PADI2: variants seen among roughly 807,000 people sequenced by gnomAD.
The protein encoded by PADI2 is protein-arginine deiminase type-2.
In PADI2, 70 loss-of-function variants were observed where a neutral mutation model predicts 81.1. The ratio of observed to expected loss-of-function variants is 0.86; its 90% CI spans 0.71 to 1.05. The LOEUF is 1.05. Ranked by LOEUF, PADI2 falls within the 50% of genes least tolerant of loss-of-function variation. PADI2 has a pLI of 0.00. For missense variants in PADI2, 853 were observed against 889.9 expected, an observed-to-expected ratio of 0.96 and a Z score of 0.53; for synonymous variants, 338 against 358.0, an observed-to-expected ratio of 0.94 and a Z score of 0.63.
chr1:17,108,740 C>T (rs556025481), intron 1 of PADI2, among the ~76,000 whole-genome samples: 1 of 152,160 alleles, frequency 6.6e-6, no homozygotes, highest in East Asian at 1.9e-4. Flanking sequence ...TTTATGGTGA[C>T]TGATAAAGTC....
chr1:17,101,624 C>T (rs982309214), intron 3 of PADI2, among the ~76,000 whole-genome samples: 3 of 152,150 alleles, frequency 2.0e-5, no homozygotes, highest in African/African-American at 7.2e-5. Flanking sequence ...CAACCAAGCC[C>T]ATTTGGGAAT....
At chr1:17,099,496 C>G (rs1045740813) in intron 3 of PADI2, among the ~76,000 whole-genome samples, 1 of 152,094 alleles carries the variant, frequency 6.6e-6, no homozygotes, top group African/African-American at 2.4e-5. Context: ...TTAATTAGCT[C>G]AAACCCCTTA....
intron 2 of PADI2, 59 bp downstream of exon 2, chr1:17,104,819 C>T (rs1054075476): frequency 1.1e-5 from 16 of 1,435,624 alleles, no homozygotes; most frequent in Non-Finnish European, 1.5e-5. Flanking sequence ...GCTGGTCCAC[C>T]CTGCCTCTAT....
intron 14 of PADI2, among the ~76,000 whole-genome samples, chr1:17,070,533 T>C (rs948234785): frequency 2.6e-5 from 4 of 152,240 alleles, no homozygotes; most frequent in African/African-American, 7.2e-5. Context: ...CCCCATGAGC[T>C]GAGGATAACA....
At chr1:17,074,285 G>T (rs1370954164) in intron 13 of PADI2, among the ~76,000 whole-genome samples, 1 of 151,860 alleles carries the variant, frequency 6.6e-6, no homozygotes, top group Non-Finnish European at 1.5e-5. Context: ...CCAGCTACTT[G>T]GGAGGCTGAG....
intron 3 of PADI2, among the ~76,000 whole-genome samples, chr1:17,101,068 T>C (rs1400391435): frequency 6.6e-6 from 1 of 152,080 alleles, no homozygotes. Flanking sequence ...GATTGGCCCA[T>C]GGAATCTAAA....
chr1:17,109,547 G>C lies in PADI2; in HGVS notation c.93-4486C>G, dbSNP rs572429323. Among the ~76,000 whole-genome samples, 7 of 151,734 alleles carry C rather than the reference G, an allele frequency of 4.6e-5. No individual in the cohort carries two copies. In the East Asian group the frequency reaches 7.8e-4, roughly 17 times the overall value. ...GCTCTGTCATCCAGGCTGGAGTGCA[G>C]TGGTGCTATCTCTGCTCACTGCAAC... is the stretch of plus-strand genomic sequence containing the variant. On this transcript the variant is annotated intron_variant, in intron 1 of 15. Transcript: ENST00000375486.
At chr1:17,089,613 C>A (rs1233857340) in intron 6 of PADI2, among the ~76,000 whole-genome samples, 1 of 152,072 alleles carries the variant, frequency 6.6e-6, no homozygotes, top group African/African-American at 2.4e-5. Context: ...TCACAATGCA[C>A]CTCTATTCTG....
intron 5 of PADI2, among the ~76,000 whole-genome samples, chr1:17,093,239 G>A (rs1038559022): frequency 7.9e-5 from 12 of 151,970 alleles, no homozygotes; most frequent in Non-Finnish European, 1.5e-4. Flanking sequence ...GGGATTACAG[G>A]TGCATGCCAC....
chr1:17,075,009 G>A, intron 12 of PADI2, 60 bp from the exon 13 acceptor site: 1 of 1,121,380 alleles, frequency 8.9e-7, no homozygotes, highest in Non-Finnish European at 1.3e-6. Context: ...AGGAGCACGG[G>A]GAGGCCCTGC....
At chr1:17,098,672 C>T (rs970236947) in intron 3 of PADI2, among the ~76,000 whole-genome samples, 1 of 152,174 alleles carries the variant, frequency 6.6e-6, no homozygotes, top group African/African-American at 2.4e-5. Flanking sequence ...TATCGTCCTC[C>T]CAGCCTCTCA....
At chr1:17,080,540 G>A (rs2078336843) in intron 10 of PADI2, among the ~76,000 whole-genome samples, 1 of 152,210 alleles carries the variant, frequency 6.6e-6, no homozygotes, top group Admixed American at 6.5e-5. Flanking sequence ...TGTCGGTCAT[G>A]GAGATTTCGG....
chr1:17,116,305 A>G (rs1323878331), intron 1 of PADI2, among the ~76,000 whole-genome samples: 1 of 152,134 alleles, frequency 6.6e-6, no homozygotes, highest in Non-Finnish European at 1.5e-5. Flanking sequence ...GGGAGTCCAG[A>G]GCCCTTGGGA....
chr1:17,096,080 G>A (rs916332993), intron 3 of PADI2, 110 bp from the exon 4 acceptor site: 5 of 736,950 alleles, frequency 6.8e-6, no homozygotes, highest in Non-Finnish European at 1.1e-5. Context: ...ATTTGGTCAC[G>A]GGAAAGAGAG....
At chr1:17,070,878 C>G (rs909377167) in intron 14 of PADI2, among the ~76,000 whole-genome samples, 3 of 152,100 alleles carry the variant, frequency 2.0e-5, no homozygotes, top group Non-Finnish European at 4.4e-5. Flanking sequence ...GGCATGTTGG[C>G]CTTGAACTCC....
chr1:17,101,445 C>T (rs746046106), intron 3 of PADI2, among the ~76,000 whole-genome samples: 12 of 152,176 alleles, frequency 7.9e-5, no homozygotes, highest in Non-Finnish European at 1.6e-4. Context: ...GGACTGTCAT[C>T]TGAGACTGCC....
intron 4 of PADI2, among the ~76,000 whole-genome samples, chr1:17,095,117 T>C (rs1371611158): frequency 6.6e-6 from 1 of 152,222 alleles, no homozygotes; most frequent in Non-Finnish European, 1.5e-5. Context: ...AAGTCACATA[T>C]GCCCATGGCA....
chr1:17,084,381 C>T (rs975925851), intron 8 of PADI2, among the ~76,000 whole-genome samples: 1 of 152,266 alleles, frequency 6.6e-6, no homozygotes, highest in Admixed American at 6.5e-5. Flanking sequence ...ATTTTTAGAG[C>T]ATACCCTGTG....
At chr1:17,118,323 C>A (rs1931826026) in intron 1 of PADI2, among the ~76,000 whole-genome samples, 1 of 152,264 alleles carries the variant, frequency 6.6e-6, no homozygotes, top group South Asian at 2.1e-4. Flanking sequence ...ACTGACCCCT[C>A]CAACCCTAGC....
Sources: gnomAD v4.1 joint callset for allele counts (sites outside exome capture counted in the v4.1 genomes callset) on GRCh38, gnomAD v4.1.1 for gene constraint, MANE v1.5 for transcripts, NCBI Gene and HGNC (gene_info 2026-07-23, HGNC 2026-07-21) for gene names.